COL22A1: variants seen among roughly 807,000 people sequenced by gnomAD.
COL22A1 encodes collagen type XXII alpha 1 chain.
Under a neutral mutation model 248.9 loss-of-function variants are expected in COL22A1, and 221 were observed. The ratio of observed to expected loss-of-function variants is 0.89; its 90% CI spans 0.80 to 0.99. COL22A1 has a LOEUF of 0.99. Ranked by LOEUF, COL22A1 falls within the 50% of genes least tolerant of loss-of-function variation. The probability of loss-of-function intolerance (pLI) is 0.00; values close to 1 mark genes in which losing one functional copy is unlikely to be tolerated. For synonymous variants in COL22A1, 891 were observed against 793.4 expected (o/e 1.12, Z -2.07); for missense variants, 2,240 against 2,179.0 (o/e 1.03, Z -0.56).
chr8:138,689,160 G>GGC (rs1554749837), intron 36 of COL22A1, among the ~76,000 whole-genome samples, 190 bp from the exon 37 acceptor site: 1 of 145,084 alleles, frequency 6.9e-6, no homozygotes, highest in African/African-American at 2.8e-5. Context: ...TGCTCTCCCG[G>GGC]GGGGGGGGCT....
chr8:138,687,963 C>A (rs1826499332), intron 37 of COL22A1, among the ~76,000 whole-genome samples: 2 of 152,188 alleles, frequency 1.3e-5, no homozygotes, highest in African/African-American at 4.8e-5. Context: ...TTGAGAATCA[C>A]TTTTGTCACC....
At chr8:138,608,115 C>T in intron 56 of COL22A1, 126 bp from the exon 57 acceptor site, 1 of 672,308 alleles carries the variant, frequency 1.5e-6, no homozygotes, top group Non-Finnish European at 2.5e-6. Flanking sequence ...CAGTGTGGCT[C>T]TCAGTCTACC....
intron 5 of COL22A1, among the ~76,000 whole-genome samples, chr8:138,827,783 C>T (rs1350096854): frequency 6.6e-6 from 1 of 151,882 alleles, no homozygotes; most frequent in African/African-American, 2.4e-5. Context: ...AGGCCAGCTG[C>T]TCTTCCATCT....
At position 138,676,509 on chromosome 8, in the gene COL22A1, T is replaced by C. The variant is rs143180422; in HGVS notation, c.3150+49A>G. ...TTCTGCAGGCAGGTCCAACAGGAAA[T>C]GGCTGTATGTCCTGAAAGCAAGTAA... is the stretch of plus-strand genomic sequence containing the variant. On this transcript the variant is annotated intron_variant, in intron 41 of 64. Transcript: ENST00000303045. 4 of 1,133,884 alleles carry C rather than the reference T, an allele frequency of 3.5e-6. No homozygotes were observed. In the East Asian group the frequency reaches 1.2e-4, roughly 34 times the overall value. 70.2% of individuals were successfully genotyped at this position (1,133,884 alleles called of 1,614,324 possible).
At position 138,636,789 on chromosome 8, in the gene COL22A1, G is replaced by A; in HGVS notation, c.3508C>T (p.Gln1170Ter). The stretch of plus-strand genomic sequence containing the variant: ...TCACCATCTGCACCACGTTCTCCTT[G>A]ACTTCCCTTGAAAGGAAAAAAAAGA... ...PPGIAGPQGS[Q>*]GERGADGEVG... is the part of the protein sequence containing the mutation. Residue 1170 changes from glutamine (Q) to a stop codon, truncating the protein, a stop_gained, in exon 48 of 65, where the codon CAA becomes TAA. Coordinates refer to ENST00000303045, the MANE Select transcript of COL22A1 (RefSeq NM_152888.3). LOFTEE classifies it high-confidence loss of function. The A allele has an allele frequency of 6.2e-7, 1 of 1,612,698 alleles. No individual in the cohort carries two copies. Among genetic ancestry groups the A allele is most frequent in the South Asian group, 1.1e-5 (1 of 90,996 alleles).
intron 45 of COL22A1, among the ~76,000 whole-genome samples, chr8:138,653,623 G>A (rs1360124603): frequency 2.0e-5 from 3 of 152,108 alleles, no homozygotes; most frequent in Non-Finnish European, 4.4e-5. Flanking sequence ...ATCCAACTAT[G>A]GACATTCATT....
intron 35 of COL22A1, among the ~76,000 whole-genome samples, chr8:138,693,093 T>G (rs1827219266): frequency 6.6e-6 from 1 of 152,042 alleles, no homozygotes; most frequent in Admixed American, 6.6e-5. Flanking sequence ...CTCCGCACCA[T>G]GAGACAGAGC....
At chr8:138,852,515 G>C (rs552457442) in intron 3 of COL22A1, among the ~76,000 whole-genome samples, 1 of 152,274 alleles carries the variant, frequency 6.6e-6, no homozygotes, top group African/African-American at 2.4e-5. Flanking sequence ...CAAGCATCTG[G>C]ATCTGTAAGC....
At position 138,877,787 on chromosome 8, in the gene COL22A1, G is replaced by C. The variant is rs770328866; in HGVS notation, c.621C>G (p.Asp207Glu). Residue 207 changes from aspartate (D) to glutamate (E), a missense_variant, in exon 3 of 65, where the codon GAC (aspartate) becomes GAG (glutamate). Coordinates refer to ENST00000303045, the MANE Select transcript of COL22A1 (RefSeq NM_152888.3). ...GGCGCCGCAGCTTGCCCCGGATCTT[G>C]TCGATGGCATTGAAGTCGGACACGT... ...VFHVSDFNAI[D>E]KIRGKLRRRL... 1 of 1,606,554 alleles carries C rather than the reference G, an allele frequency of 6.2e-7. No individual in the cohort carries two copies. Among genetic ancestry groups the C allele is most frequent in the Non-Finnish European group, 8.5e-7 (1 of 1,176,304 alleles).
chr8:138,728,793 G>C (rs2131196767), intron 23 of COL22A1, among the ~76,000 whole-genome samples: 1 of 152,218 alleles, frequency 6.6e-6, no homozygotes. Flanking sequence ...TGTCACAAAT[G>C]CAGGTACACA....
intron 52 of COL22A1, among the ~76,000 whole-genome samples, chr8:138,622,393 G>A (rs112443523): frequency 0.01 from 1,557 of 152,206 alleles, 11 homozygotes; most frequent in Non-Finnish European, 0.014. Context: ...GCCAGAATCC[G>A]AAGCAAGCTT....
At chr8:138,646,603 G>A (rs1217999956) in intron 47 of COL22A1, 26 bp downstream of exon 47, 1 of 1,548,868 alleles carries the variant, frequency 6.5e-7, no homozygotes, top group Non-Finnish European at 8.8e-7. Flanking sequence ...ATAGATCCAT[G>A]CAGATGGTTA....
At position 138,877,242 on chromosome 8, in the gene COL22A1, G is replaced by A. The variant is rs147071821; in HGVS notation, c.658+508C>T. Among the ~76,000 whole-genome samples, 383 of 152,314 alleles carry A rather than the reference G, an allele frequency of 2.5e-3. 1 individual carries two copies. The highest frequency in any genetic ancestry group is 8.5e-3 in the African/African-American group (352 of 41,580). On this transcript the variant is annotated intron_variant, in intron 3 of 64. Coordinates refer to ENST00000303045, the MANE Select transcript of COL22A1 (RefSeq NM_152888.3). ...ACCTCCTGACTGTGTCTAAATGACT[G>A]ACTCTGGGCTGCTGGGAAGAGCCGA... is the stretch of plus-strand genomic sequence containing the variant.
chr8:138,756,643 T>C (rs562230945), intron 18 of COL22A1, among the ~76,000 whole-genome samples: 60 of 152,254 alleles, frequency 3.9e-4, no homozygotes, highest in Admixed American at 1.3e-4. Flanking sequence ...ATGAAGCTAG[T>C]AAATGAATAA....
intron 39 of COL22A1, 31 bp downstream of exon 39, chr8:138,684,394 G>A (rs1298859670): frequency 2.0e-6 from 3 of 1,536,046 alleles, no homozygotes; most frequent in East Asian, 2.2e-5. Context: ...GCAACTCGTG[G>A]CACCCACAGT....
At chr8:138,782,558 TGGGA>T (rs1815111012) in intron 12 of COL22A1, among the ~76,000 whole-genome samples, 1 of 151,742 alleles carries the variant, frequency 6.6e-6, no homozygotes, top group African/African-American at 2.4e-5. Flanking sequence ...CCCAGCTACT[TGGGA>T]GGCTGAGGCA....
chr8:138,739,231 C>G (rs1037487343), intron 22 of COL22A1, among the ~76,000 whole-genome samples: 1 of 152,202 alleles, frequency 6.6e-6, no homozygotes, highest in Non-Finnish European at 1.5e-5. Context: ...ACCCTCTTCT[C>G]ATTTCCATGT....
chr8:138,820,707 C>CATAT (rs140565755), intron 7 of COL22A1, among the ~76,000 whole-genome samples: 6 of 151,960 alleles, frequency 3.9e-5, no homozygotes, highest in Admixed American at 2.0e-4. Context: ...CACCTACCTG[C>CATAT]ATATATATAT....
intron 60 of COL22A1, among the ~76,000 whole-genome samples, chr8:138,600,366 C>T (rs970685563): frequency 3.3e-5 from 5 of 152,146 alleles, no homozygotes; most frequent in Non-Finnish European, 7.3e-5. Context: ...GAACGTGACC[C>T]AGAGCCACAG....
Sources: allele counts gnomAD v4.1 joint callset (sites outside exome capture counted in the v4.1 genomes callset), GRCh38; gene constraint gnomAD v4.1.1; transcripts MANE v1.5; gene names NCBI Gene and HGNC (gene_info 2026-07-23, HGNC 2026-07-21).